The following UPK1A variants were observed in gnomAD, a reference collection of about 807,000 sequenced individuals.
The protein encoded by UPK1A is uroplakin 1A.
UPK1A carries 31 observed loss-of-function variants against 32.3 expected under a neutral mutation model. That is an observed-to-expected ratio of 0.96 (90% CI 0.72 to 1.30). The LOEUF (loss-of-function observed/expected upper bound fraction) is 1.30, where lower values mean the gene tolerates loss of function less well. UPK1A is among the 50% of genes most tolerant of loss of function. UPK1A has a pLI of 0.00. For synonymous variants in UPK1A, 135 were observed against 137.1 expected (o/e 0.98, Z 0.11); for missense variants, 340 against 357.4 (o/e 0.95, Z 0.39).
Position 35,667,063 on chromosome 19 carries a change from T to C in UPK1A, c.84+167T>C, listed in dbSNP as rs138580482. Among the ~76,000 whole-genome samples, 67 of 152,280 alleles carry C rather than the reference T, an allele frequency of 4.4e-4. 1 individual carries two copies. In the East Asian group the frequency reaches 0.013, roughly 29 times the overall value. ...TCTGCCTCTCCCCAGCTCTGTGACC[T>C]TAGCAAGCGACTGTCCCTCTCTGTG... On this transcript the variant is annotated intron_variant, in intron 2 of 7. Transcript: ENST00000617999.
chr19:35,672,630 C>T (rs886084459), intron 3 of UPK1A, among the ~76,000 whole-genome samples: 8 of 152,128 alleles, frequency 5.3e-5, no homozygotes, highest in Admixed American at 2.6e-4. Flanking sequence ...TGCAGTGGTG[C>T]GATCATAGCT....
chr19:35,673,235 CTGGTGCT>C lies in UPK1A; in HGVS notation c.290_296del (p.Leu97ProfsTer29). The C allele has an allele frequency of 2.5e-6, 4 of 1,614,138 alleles. No individual in the cohort carries two copies. The highest frequency in any genetic ancestry group is 3.4e-6 in the Non-Finnish European group (4 of 1,180,038). ...CGTCCTCCCTCTGTCTCCCCAGTAC[CTGGTGCT>C]CATGCTCATCGTCTACATCTTCGAG... On this transcript the variant is annotated frameshift_variant, in exon 4 of 8. Transcript: ENST00000617999. LOFTEE classifies it high-confidence loss of function.
At position 35,673,130 on chromosome 19, in the gene UPK1A, C is replaced by A; in HGVS notation, c.286-102C>A. On this transcript the variant is annotated intron_variant, in intron 3 of 7. Coordinates refer to ENST00000617999, the Ensembl canonical transcript of UPK1A. The stretch of plus-strand genomic sequence containing the variant: ...TTATAGATGCTGCTAGTCACACTGC[C>A]CCAAACTTTTTTAAAACTTGCATTT... 2.5e-6 allele frequency: 3 copies of A among 1,208,380 alleles called. No individual in the cohort carries two copies. In the Admixed American group the frequency reaches 5.2e-5, roughly 21 times the overall value. 74.9% of individuals were successfully genotyped at this position (1,208,380 alleles called of 1,614,324 possible). A position where few individuals can be genotyped will look rare whatever the true frequency, so the allele number is the denominator to read the frequency against.
At chr19:35,671,649 A>G (rs1265511864) in intron 3 of UPK1A, among the ~76,000 whole-genome samples, 1 of 150,058 alleles carries the variant, frequency 6.7e-6, no homozygotes, top group African/African-American at 2.5e-5. Flanking sequence ...TTTTTAGTAG[A>G]GATGGGGTTT....
At chr19:35,667,185 C>T (rs1599628036) in intron 2 of UPK1A, among the ~76,000 whole-genome samples, 1 of 152,172 alleles carries the variant, frequency 6.6e-6, no homozygotes. Context: ...AAGTGCCCGA[C>T]CAATGCTGGC....
chr19:35,668,848 C>CT (rs147337402), intron 3 of UPK1A, among the ~76,000 whole-genome samples, 194 bp downstream of exon 3: 38,777 of 140,620 alleles, frequency 0.28, 5,190 homozygotes, highest in South Asian at 0.37. Context: ...GGGATTTTTT[C>CT]TTTTTTTTTT....
At chr19:35,669,134 C>T (rs936688740) in intron 3 of UPK1A, among the ~76,000 whole-genome samples, 1 of 152,074 alleles carries the variant, frequency 6.6e-6, no homozygotes, top group Non-Finnish European at 1.5e-5. Flanking sequence ...TTCATTTATT[C>T]CTCATAGTCC....
At chr19:35,677,920 T>C (rs763632057) in intron 7 of UPK1A, 25 bp downstream of exon 7, 1 of 1,157,764 alleles carries the variant, frequency 8.6e-7, no homozygotes, top group South Asian at 1.2e-5. Flanking sequence ...GCCCACAGGC[T>C]GGGTGGGCTG....
chr19:35,666,718 A>C (rs935071957), intron 1 of UPK1A, 91 bp from the exon 2 acceptor site: 1 of 1,321,034 alleles, frequency 7.6e-7, no homozygotes, highest in African/African-American at 1.4e-5. Context: ...AGAGAGCTGG[A>C]GCAACCCCTC....
At chr19:35,672,631 G>C (rs769322486) in intron 3 of UPK1A, among the ~76,000 whole-genome samples, 6 of 152,234 alleles carry the variant, frequency 3.9e-5, no homozygotes, top group Non-Finnish European at 8.8e-5. Context: ...GCAGTGGTGC[G>C]ATCATAGCTC....
At chr19:35,670,441 A>T (rs1968070918) in intron 3 of UPK1A, among the ~76,000 whole-genome samples, 1 of 110,438 alleles carries the variant, frequency 9.1e-6, no homozygotes, top group Non-Finnish European at 1.7e-5. Context: ...CTACACAGGC[A>T]GGTGTTGTGG....
At position 35,672,020 on chromosome 19, in the gene UPK1A, G is replaced by A. The variant is rs79257368; in HGVS notation, c.286-1212G>A. 3.9e-3 allele frequency among the ~76,000 whole-genome samples: 595 copies of A among 152,284 alleles called. 34 individuals are homozygous for A. The East Asian group carries it at 0.1, about 27-fold the overall frequency. The stretch of plus-strand genomic sequence containing the variant: ...TAAAGCAGTCAGGAGGTTGTGCAAT[G>A]TCATCCATCTCCCAGCAGCAGAGTT... On this transcript the variant is annotated intron_variant, in intron 3 of 7. Transcript: ENST00000617999.
In UPK1A at chr19:35,677,854, TG is replaced by T. The variant is rs1968206027; in HGVS notation, c.695del (p.Gly232ValfsTer10). 1.9e-6 allele frequency: 3 copies of T among 1,596,418 alleles called. No individual in the cohort carries two copies. Among genetic ancestry groups the T allele is most frequent in the Admixed American group, 1.7e-5 (1 of 59,360 alleles). Reference sequence around the variant, plus strand: ...CGGCCACGCCATCGACAGCTACACGTGGGGTATCTCGTGGTTTGGGTTTGCC... The same window carrying T: ...CGGCCACGCCATCGACAGCTACACGTGGGTATCTCGTGGTTTGGGTTTGCC... On this transcript the variant is annotated frameshift_variant, in exon 7 of 8. Transcript: ENST00000617999. LOFTEE classifies it high-confidence loss of function.
intron 6 of UPK1A, 23 bp downstream of exon 6, chr19:35,676,042 A>G (rs542534233): frequency 1.2e-6 from 2 of 1,602,000 alleles, no homozygotes; most frequent in Admixed American, 3.4e-5. Flanking sequence ...GCCCTGCTCC[A>G]TCTGTCTATC....
intron 2 of UPK1A, among the ~76,000 whole-genome samples, chr19:35,667,494 G>A (rs897901036): frequency 4.1e-5 from 6 of 145,150 alleles, no homozygotes; most frequent in African/African-American, 1.4e-4. Flanking sequence ...CACCACGCCC[G>A]GCTAATTTTT....
At chr19:35,666,891 A>T in exon 2 of UPK1A, 1 of 1,613,984 alleles carries the variant, frequency 6.2e-7, no homozygotes, top group Non-Finnish European at 8.5e-7. Flanking sequence ...CAATATCATT[A>T]TTCTGGTGAG....
intron 5 of UPK1A, 42 bp from the exon 6 acceptor site, chr19:35,675,798 C>G: frequency 6.4e-7 from 1 of 1,568,348 alleles, no homozygotes; most frequent in African/African-American, 1.3e-5. Context: ...CAACTGTCCT[C>G]TCTGAGCCCG....
chr19:35,670,953 G>C (rs990208158), intron 3 of UPK1A, among the ~76,000 whole-genome samples: 3 of 151,888 alleles, frequency 2.0e-5, no homozygotes, highest in Non-Finnish European at 2.9e-5. Context: ...GGCCTCAAGT[G>C]AGCCTCCCAC....
chr19:35,673,307 G>A lies in UPK1A; in HGVS notation c.360+1G>A, dbSNP rs561110039. The A allele has an allele frequency of 3.0e-5, 49 of 1,613,976 alleles. 2 individuals are homozygous for A. The South Asian group carries it at 5.1e-4, about 17-fold the overall frequency. On this transcript the variant is annotated splice_donor_variant, in intron 4 of 7. Coordinates refer to ENST00000617999, the Ensembl canonical transcript of UPK1A. LOFTEE classifies it high-confidence loss of function. Reference sequence around the variant, plus strand: ...CACGTCCTACACCCACCGTGACTACGTGAGCCCGGCGAGGCCTGGGGAGGG... The same window carrying A: ...CACGTCCTACACCCACCGTGACTACATGAGCCCGGCGAGGCCTGGGGAGGG...
Sources: allele counts gnomAD v4.1 joint callset (sites outside exome capture counted in the v4.1 genomes callset), GRCh38; gene constraint gnomAD v4.1.1; transcripts MANE v1.5; gene names NCBI Gene and HGNC (gene_info 2026-07-23, HGNC 2026-07-21).